The following CHM variants were observed in gnomAD, a reference collection of about 807,000 sequenced individuals.
CHM encodes the protein rab proteins geranylgeranyltransferase component A 1.
CHM carries 10 observed loss-of-function variants against 49.0 expected under a neutral mutation model. That is an observed-to-expected ratio of 0.20 (90% CI 0.13 to 0.35). The LOEUF is 0.35. Ranked by LOEUF, CHM falls within the 10% of genes least tolerant of loss-of-function variation. The pLI is 1.00. For synonymous variants in CHM, 184 were observed against 167.5 expected, an observed-to-expected ratio of 1.10 and a Z score of -0.76; for missense variants, 455 against 478.4, an observed-to-expected ratio of 0.95 and a Z score of 0.46.
Position 85,911,147 on chromosome X carries a change from A to ATATATATATATG in CHM, c.1244+113_1244+114insCATATATATATA, listed in dbSNP as rs1569409868. Reference sequence around the variant, plus strand: ...TGTATATGTATATATATATATATATATATATATATATATATGTATATATAT... The same window carrying ATATATATATATG: ...TGTATATGTATATATATATATATATATATATATATATGTATATATATATATATGTATATATAT... On this transcript the variant is annotated intron_variant, in intron 9 of 14. Coordinates refer to ENST00000357749, the MANE Select transcript of CHM (RefSeq NM_000390.4). 1.5e-3 allele frequency: 25 copies of ATATATATATATG among 17,139 alleles called. 2 individuals carry two copies. The highest frequency in any genetic ancestry group is 7.8e-3 in the African/African-American group (21 of 2,698). 1.4% of individuals were successfully genotyped at this position (17,139 alleles called of 1,213,427 possible). A position where few individuals can be genotyped will look rare whatever the true frequency, so the allele number is the denominator to read the frequency against.
chrX:85,874,785 A>G (rs189654105), intron 13 of CHM, among the ~76,000 whole-genome samples: 1 of 111,777 alleles, frequency 8.9e-6, no homozygotes, highest in East Asian at 2.8e-4. Flanking sequence ...AAATAAAGGA[A>G]CATAAGGAAT....
At chrX:86,008,921 A>G (rs1375849680) in intron 2 of CHM, among the ~76,000 whole-genome samples, 1 of 112,757 alleles carries the variant, frequency 8.9e-6, no homozygotes, top group Non-Finnish European at 1.9e-5. Context: ...TTGTTTTAAA[A>G]TATTAAAGAA....
intron 2 of CHM, among the ~76,000 whole-genome samples, chrX:86,018,273 A>G (rs1933392590): frequency 8.9e-6 from 1 of 112,404 alleles, no homozygotes; most frequent in Non-Finnish European, 1.9e-5. Flanking sequence ...GCAAATAACC[A>G]CGTGAAAAAT....
chrX:85,966,446 T>A (rs1930589937), intron 4 of CHM, among the ~76,000 whole-genome samples: 1 of 111,162 alleles, frequency 9.0e-6, no homozygotes, highest in Admixed American at 9.6e-5. Flanking sequence ...TTTTCTGCAT[T>A]CACATGACAA....
chrX:85,973,300 CAAAAAAAA>C (rs58103002), intron 4 of CHM, among the ~76,000 whole-genome samples: 5 of 16,330 alleles, frequency 3.1e-4, no homozygotes, highest in Admixed American at 1.4e-3. Context: ...TCTGTCTCGA[CAAAAAAAA>C]AAAAAAAAAA....
intron 2 of CHM, among the ~76,000 whole-genome samples, chrX:86,004,205 C>T (rs1932804812): frequency 9.0e-6 from 1 of 111,662 alleles, no homozygotes; most frequent in South Asian, 3.7e-4. Flanking sequence ...TACAGACAAG[C>T]AAATGCTGAG....
At chrX:85,886,176 A>G (rs567037873) in intron 12 of CHM, among the ~76,000 whole-genome samples, 2 of 111,357 alleles carry the variant, frequency 1.8e-5, no homozygotes, top group East Asian at 5.7e-4. Context: ...CTGAATATAC[A>G]TTTCTTTCCA....
At chrX:85,954,826 A>T (rs969593704) in intron 8 of CHM, among the ~76,000 whole-genome samples, 2 of 106,380 alleles carry the variant, frequency 1.9e-5, no homozygotes, top group Non-Finnish European at 3.9e-5. Context: ...TGGGTGGCAG[A>T]GGTTGCAGTG....
rs1930423351 is a variant in CHM at position 85,963,816 on chromosome X, T to C, written c.551A>G (p.Asp184Gly). ...VTGEKENHCD[D>G]KTCVPSTSAE... ...TGAAGTTGATGGCACACAAGTTTTA[T>C]CATCACAATGGTTTTCTTTTTCCCC... Residue 184 changes from aspartate to glycine, a missense_variant, in exon 5 of 15, where the codon GAT (aspartate) becomes GGT (glycine). Asp to Gly is a moderately conservative substitution (Grantham distance 94). Coordinates refer to ENST00000357749, the MANE Select transcript of CHM (RefSeq NM_000390.4). 2 of 1,212,013 alleles carry C rather than the reference T, an allele frequency of 1.7e-6. No individual in the cohort carries two copies. Among genetic ancestry groups the C allele is most frequent in the South Asian group, 1.8e-5 (1 of 56,990 alleles).
chrX:85,980,980 A>G (rs1239553498), intron 3 of CHM, among the ~76,000 whole-genome samples: 2 of 109,606 alleles, frequency 1.8e-5, no homozygotes, highest in African/African-American at 6.7e-5. Flanking sequence ...AAATTAATGT[A>G]TATTCCCCAA....
At chrX:85,971,106 A>G in intron 4 of CHM, 1 of 644,716 alleles carries the variant, frequency 1.6e-6, no homozygotes, top group Non-Finnish European at 1.9e-6. Context: ...AATACACCCT[A>G]TATATTTATA....
chrX:85,897,472 A>C (rs1925975392), intron 11 of CHM, among the ~76,000 whole-genome samples: 1 of 108,719 alleles, frequency 9.2e-6, no homozygotes, highest in South Asian at 4.0e-4. Context: ...GCTGGCTTTG[A>C]ACAAGGAGGG....
chrX:85,911,786 T>C (rs938715588), intron 8 of CHM, among the ~76,000 whole-genome samples: 2 of 111,463 alleles, frequency 1.8e-5, no homozygotes, highest in Admixed American at 9.6e-5. Flanking sequence ...AAACAAAATC[T>C]CCAGTAGCCA....
chrX:86,031,896 T>C (rs906368194), intron 1 of CHM, among the ~76,000 whole-genome samples: 84 of 112,752 alleles, frequency 7.4e-4, no homozygotes, highest in African/African-American at 2.5e-3. Flanking sequence ...TTTGGTCTTA[T>C]TGCTAATTTG....
intron 1 of CHM, among the ~76,000 whole-genome samples, chrX:86,030,927 A>C (rs1934015126): frequency 9.0e-6 from 1 of 110,517 alleles, no homozygotes. Context: ...TCAGTACTTC[A>C]TTACTTTTTT....
chrX:86,017,466 T>C (rs760424027), intron 2 of CHM, among the ~76,000 whole-genome samples: 2 of 111,642 alleles, frequency 1.8e-5, no homozygotes, highest in Admixed American at 9.5e-5. Context: ...ACTGTTCTCA[T>C]GGTAGTGAAT....
intron 2 of CHM, among the ~76,000 whole-genome samples, chrX:86,003,221 C>T (rs1453195205): frequency 8.9e-6 from 1 of 111,951 alleles, no homozygotes; most frequent in Non-Finnish European, 1.9e-5. Context: ...CCAACATCAA[C>T]AAAAAGGACA....
At chrX:86,019,483 T>C (rs1933446278) in intron 2 of CHM, 2 of 110,179 alleles carry the variant, frequency 1.8e-5, no homozygotes, top group Admixed American at 9.6e-5. Context: ...ACTGAAGGAG[T>C]CAACAAAGCT....
intron 2 of CHM, among the ~76,000 whole-genome samples, chrX:86,001,535 C>T (rs995115625): frequency 4.5e-5 from 5 of 111,107 alleles, no homozygotes; most frequent in Non-Finnish European, 9.4e-5. Flanking sequence ...CTAACAATCA[C>T]GGCAGAAGGT....
Sources: gnomAD v4.1 joint callset for allele counts (sites outside exome capture counted in the v4.1 genomes callset) on GRCh38, gnomAD v4.1.1 for gene constraint, MANE v1.5 for transcripts, NCBI Gene and HGNC (gene_info 2026-07-23, HGNC 2026-07-21) for gene names.